The following RNF13 variants were observed in gnomAD, a reference collection of about 807,000 sequenced individuals.
The protein encoded by RNF13 is E3 ubiquitin-protein ligase RNF13.
In RNF13, 19 loss-of-function variants were observed where a neutral mutation model predicts 37.7. That is an observed-to-expected ratio of 0.50 (90% CI 0.35 to 0.74). The LOEUF is 0.74. Among genes scored for constraint, RNF13 ranks in the 30% least tolerant of loss-of-function variants. The probability of loss-of-function intolerance (pLI) is 0.01; values close to 1 mark genes in which losing one functional copy is unlikely to be tolerated. For missense variants in RNF13, 375 were observed against 453.0 expected, an observed-to-expected ratio of 0.83 and a Z score of 1.56; for synonymous variants, 144 against 157.8, an observed-to-expected ratio of 0.91 and a Z score of 0.65.
Position 149,929,995 on chromosome 3 carries a change from G to A in RNF13, c.700+8768G>A, listed in dbSNP as rs530000799. Among the ~76,000 whole-genome samples, 3 of 152,122 alleles carry A rather than the reference G, an allele frequency of 2.0e-5. No homozygotes were observed. The South Asian group carries it at 6.2e-4, about 32-fold the overall frequency. On this transcript the variant is annotated intron_variant, in intron 8 of 9. Transcript: ENST00000392894. ...GGCTGGAGTGCAGTGGTGCAATCTC[G>A]GCTCACTGCAACCTCCGCCTCCCAG...
chr3:149,837,511 A>C (rs867862044), intron 1 of RNF13, among the ~76,000 whole-genome samples: 1 of 152,240 alleles, frequency 6.6e-6, no homozygotes, highest in Non-Finnish European at 1.5e-5. Context: ...ACAGTTCCAC[A>C]TCACTGGAGA....
At chr3:149,887,258 C>T (rs909418175) in intron 4 of RNF13, among the ~76,000 whole-genome samples, 7 of 152,152 alleles carry the variant, frequency 4.6e-5, no homozygotes, top group African/African-American at 1.7e-4. Context: ...GACTGCAATG[C>T]CCCAATTTCA....
At chr3:149,939,374 A>C in intron 8 of RNF13, 1 of 489,926 alleles carries the variant, frequency 2.0e-6, no homozygotes, top group Non-Finnish European at 3.9e-6. Flanking sequence ...CTCCGGGGGC[A>C]GATCGCTTTC....
At chr3:149,896,627 C>T (rs1049363663) in intron 5 of RNF13, among the ~76,000 whole-genome samples, 2 of 151,792 alleles carry the variant, frequency 1.3e-5, no homozygotes, top group Admixed American at 1.3e-4. Context: ...TGACAGGCAC[C>T]TGCCACCACG....
chr3:149,961,075 C>G lies in RNF13; in HGVS notation c.1117C>G (p.Arg373Gly), dbSNP rs575462208. 6.2e-7 allele frequency: 1 copy of G among 1,612,378 alleles called. No homozygotes were observed. Among genetic ancestry groups the G allele is most frequent in the Non-Finnish European group, 8.5e-7 (1 of 1,179,052 alleles). Reference protein sequence around the residue: ...VVVQLQPNGERDYNIANTV With the variant: ...VVVQLQPNGEGDYNIANTV ...GGTCCAGTTGCAGCCTAATGGTGAA[C>G]GGGATTACAACATAGCAAATACTGT... Residue 373 changes from arginine (R) to glycine (G), a missense_variant, in exon 10 of 10, where the codon CGG (arginine) becomes GGG (glycine). Coordinates refer to ENST00000392894, the MANE Select transcript of RNF13 (RefSeq NM_183381.3).
At chr3:149,845,317 T>A (rs1462447552) in intron 1 of RNF13, among the ~76,000 whole-genome samples, 1 of 152,204 alleles carries the variant, frequency 6.6e-6, no homozygotes, top group Non-Finnish European at 1.5e-5. Context: ...TGATTGAGGC[T>A]TACCAATGAT....
At chr3:149,940,257 T>A (rs1295508710) in intron 8 of RNF13, among the ~76,000 whole-genome samples, 1 of 152,186 alleles carries the variant, frequency 6.6e-6, no homozygotes, top group Non-Finnish European at 1.5e-5. Context: ...AATTTGACTT[T>A]CAAATAACAC....
At chr3:149,912,322 A>G (rs1362978227) in intron 7 of RNF13, among the ~76,000 whole-genome samples, 1 of 152,070 alleles carries the variant, frequency 6.6e-6, no homozygotes, top group Non-Finnish European at 1.5e-5. Context: ...AGTATAAGGG[A>G]ACTTTTGGGG....
chr3:149,885,126 CT>C (rs1713877094), intron 4 of RNF13, among the ~76,000 whole-genome samples: 1 of 152,098 alleles, frequency 6.6e-6, no homozygotes, highest in African/African-American at 2.4e-5. Context: ...ATTCATTCAC[CT>C]GTGGATGGAC....
chr3:149,871,322 G>A (rs1405684719), intron 3 of RNF13, among the ~76,000 whole-genome samples: 1 of 151,546 alleles, frequency 6.6e-6, no homozygotes, highest in Non-Finnish European at 1.5e-5. Flanking sequence ...GATTGCAAAT[G>A]TGAGTCACTG....
At chr3:149,911,034 G>A (rs1021347451) in intron 6 of RNF13, among the ~76,000 whole-genome samples, 2 of 152,088 alleles carry the variant, frequency 1.3e-5, no homozygotes, top group African/African-American at 4.8e-5. Flanking sequence ...ACACATTTCT[G>A]TAGTTTTTTT....
intron 3 of RNF13, among the ~76,000 whole-genome samples, chr3:149,871,486 A>G (rs1018294718): frequency 6.7e-6 from 1 of 150,278 alleles, no homozygotes; most frequent in African/African-American, 2.5e-5. Context: ...TGGCTGCATT[A>G]TTTTCCTATT....
At chr3:149,832,537 A>C (rs963580249) in intron 1 of RNF13, among the ~76,000 whole-genome samples, 2 of 152,182 alleles carry the variant, frequency 1.3e-5, no homozygotes, top group Non-Finnish European at 2.9e-5. Context: ...AATCATGTGT[A>C]CCAGCCAGTT....
chr3:149,915,338 AGGTAAAAG>A lies in RNF13; in HGVS notation c.606+3256_606+3263del, dbSNP rs535996729. Among the ~76,000 whole-genome samples the A allele has an allele frequency of 9.2e-5, 14 of 152,306 alleles. No individual in the cohort carries two copies. The East Asian group carries it at 2.5e-3, about 27-fold the overall frequency. The stretch of plus-strand genomic sequence containing the variant: ...TAGAATATTAGCAATCTGGATATTC[AGGTAAAAG>A]AAAACTTTGGTTTTATGGGGCCACC... On this transcript the variant is annotated intron_variant, in intron 7 of 9. Coordinates refer to ENST00000392894, the MANE Select transcript of RNF13 (RefSeq NM_183381.3).
intron 8 of RNF13, among the ~76,000 whole-genome samples, chr3:149,959,729 A>T (rs1722201622): frequency 6.6e-6 from 1 of 152,222 alleles, no homozygotes; most frequent in South Asian, 2.1e-4. Flanking sequence ...CAGTTTGAAC[A>T]TTTTAGTAGT....
At chr3:149,818,874 G>A (rs1446873045) in intron 1 of RNF13, among the ~76,000 whole-genome samples, 1 of 152,096 alleles carries the variant, frequency 6.6e-6, no homozygotes, top group African/African-American at 2.4e-5. Flanking sequence ...CCGCGGCACT[G>A]TACTCCAGCC....
At chr3:149,818,949 C>G (rs1013935601) in intron 1 of RNF13, among the ~76,000 whole-genome samples, 9 of 152,034 alleles carry the variant, frequency 5.9e-5, no homozygotes, top group African/African-American at 1.4e-4. Context: ...AGAGAATCCC[C>G]TGGCTTATCT....
intron 1 of RNF13, among the ~76,000 whole-genome samples, chr3:149,816,533 A>G (rs1195089527): frequency 7.0e-6 from 1 of 143,310 alleles, no homozygotes; most frequent in Non-Finnish European, 1.5e-5. Context: ...TTTTTTTTTC[A>G]TTGAGGATGA....
intron 1 of RNF13, among the ~76,000 whole-genome samples, chr3:149,815,256 C>T (rs1376486786): frequency 6.6e-6 from 1 of 152,030 alleles, no homozygotes; most frequent in Non-Finnish European, 1.5e-5. Flanking sequence ...AGATTTATGT[C>T]TTTGAGTTAA....
Sources: gnomAD v4.1 joint callset for allele counts (sites outside exome capture counted in the v4.1 genomes callset) on GRCh38, gnomAD v4.1.1 for gene constraint, MANE v1.5 for transcripts, NCBI Gene and HGNC (gene_info 2026-07-23, HGNC 2026-07-21) for gene names.